FBN2: variants seen among roughly 807,000 people sequenced by gnomAD.
FBN2 encodes fibrillin-2.
FBN2 carries 105 observed loss-of-function variants against 355.6 expected under a neutral mutation model. The observed-to-expected ratio is 0.30, with a 90% confidence interval of 0.25 to 0.35. FBN2 has a LOEUF of 0.35. FBN2 is among the 10% of genes least tolerant of loss of function. The pLI is 1.00. For synonymous variants in FBN2, 1,350 were observed against 1,301.2 expected (o/e 1.04, Z -0.81); for missense variants, 3,280 against 3,758.7 (o/e 0.87, Z 3.33).
intron 4 of FBN2, among the ~76,000 whole-genome samples, chr5:128,523,299 C>T (rs1003340571): frequency 2.0e-5 from 3 of 152,108 alleles, no homozygotes; most frequent in Non-Finnish European, 4.4e-5. Context: ...GCTATTGGTG[C>T]TGCCTTCTTC....
Position 128,448,982 on chromosome 5 carries a change from A to C in FBN2, c.827-2376T>G, listed in dbSNP as rs1754149608. ...AAAATTCACGAAGCATTAATAAAGA[A>C]TTTTTGGACTTTAAATGTAAAAGGA... On this transcript the variant is annotated intron_variant, in intron 6 of 64. Transcript: ENST00000262464. Among the ~76,000 whole-genome samples, 3 of 152,164 alleles carry C rather than the reference A, an allele frequency of 2.0e-5. No individual in the cohort carries two copies. The South Asian group carries it at 6.2e-4, about 32-fold the overall frequency.
intron 5 of FBN2, among the ~76,000 whole-genome samples, chr5:128,510,742 C>T (rs547853788): frequency 6.6e-6 from 1 of 152,110 alleles, no homozygotes; most frequent in Non-Finnish European, 1.5e-5. Context: ...AATCCCCAAA[C>T]GACAAGCCAT....
chr5:128,379,435 G>A (rs1752171486), intron 11 of FBN2, among the ~76,000 whole-genome samples: 1 of 151,802 alleles, frequency 6.6e-6, no homozygotes, highest in Non-Finnish European at 1.5e-5. Context: ...ATATTTTGAA[G>A]TAAAAAAACA....
At chr5:128,263,262 C>G (rs998105574) in intron 63 of FBN2, among the ~76,000 whole-genome samples, 163 bp downstream of exon 63, 3 of 152,178 alleles carry the variant, frequency 2.0e-5, no homozygotes, top group Non-Finnish European at 2.9e-5. Flanking sequence ...GAGCACAGTC[C>G]GTGTGTGCTT....
At chr5:128,277,769 T>C in intron 58 of FBN2, 111 bp downstream of exon 58, 1 of 1,212,592 alleles carries the variant, frequency 8.2e-7, no homozygotes, top group Non-Finnish European at 1.2e-6. Context: ...TTTAATAAAA[T>C]ATATATTCCA....
intron 33 of FBN2, 139 bp downstream of exon 33, chr5:128,330,434 A>G: frequency 1.2e-6 from 1 of 826,604 alleles, no homozygotes; most frequent in African/African-American, 1.7e-5. Flanking sequence ...AGAGAAAGAT[A>G]CATAGTCACC....
rs764271022 is a variant in FBN2, at chr5:128,289,255, A to G, written c.6512-3T>C. ...GCTCTCAAGACACTCATTGACATCTAAAATATAGAACTGCATGTGAATTTC... is the reference window on the plus strand; with the variant it reads ...GCTCTCAAGACACTCATTGACATCTGAAATATAGAACTGCATGTGAATTTC... On this transcript the variant is annotated splice_region_variant and splice_polypyrimidine_tract_variant and intron_variant, in intron 51 of 64. Coordinates refer to ENST00000262464, the MANE Select transcript of FBN2 (RefSeq NM_001999.4). 1.4e-5 allele frequency: 23 copies of G among 1,613,664 alleles called. No homozygotes were observed. The highest frequency in any genetic ancestry group is 1.8e-5 in the Non-Finnish European group (21 of 1,179,746).
rs1314604547 is a variant in FBN2 at position 128,258,501 on chromosome 5, G to A, written c.*954C>T. On this transcript the variant is annotated 3_prime_UTR_variant, in exon 65 of 65. Coordinates refer to ENST00000262464, the MANE Select transcript of FBN2 (RefSeq NM_001999.4). Reference sequence around the variant, plus strand: ...AATGCACCATTATTTAAGACAGCACGAAACACCACAGAATGCCAGGTGTTC... The same window carrying A: ...AATGCACCATTATTTAAGACAGCACAAAACACCACAGAATGCCAGGTGTTC... 2 of 152,554 alleles carry A rather than the reference G, an allele frequency of 1.3e-5. No homozygotes were observed. Among genetic ancestry groups the A allele is most frequent in the Admixed American group, 6.5e-5 (1 of 15,270 alleles). The allele number at this position is 152,554 out of a possible 1,614,324, so 9.5% of individuals were successfully genotyped here. A position where few individuals can be genotyped will look rare whatever the true frequency, so the allele number is the denominator to read the frequency against.
chr5:128,500,396 T>C (rs978631813), intron 5 of FBN2, among the ~76,000 whole-genome samples: 1 of 145,760 alleles, frequency 6.9e-6, no homozygotes, highest in Non-Finnish European at 1.5e-5. Flanking sequence ...CCTCAAATGA[T>C]ATAGGGAATG....
At chr5:128,399,867 G>T (rs997273386) in intron 8 of FBN2, among the ~76,000 whole-genome samples, 1 of 151,834 alleles carries the variant, frequency 6.6e-6, no homozygotes, top group African/African-American at 2.4e-5. Context: ...AGGTCGGGGG[G>T]ATCCTGAACA....
rs566038414 is a variant in FBN2, at chr5:128,258,253, T to A, written c.*1202A>T. 3 of 152,678 alleles carry A rather than the reference T, an allele frequency of 2.0e-5. No homozygotes were observed. The South Asian group carries it at 6.2e-4, about 32-fold the overall frequency. 9.5% of individuals were successfully genotyped at this position (152,678 alleles called of 1,614,324 possible). Reference sequence around the variant, plus strand: ...CTTAATAGCACATCCTGGTACAATATCTTTTTAAATGACTAAAGCAAACTA... The same window carrying A: ...CTTAATAGCACATCCTGGTACAATAACTTTTTAAATGACTAAAGCAAACTA... On this transcript the variant is annotated 3_prime_UTR_variant, in exon 65 of 65. Transcript: ENST00000262464.
intron 13 of FBN2, among the ~76,000 whole-genome samples, chr5:128,377,114 T>C (rs1407722126): frequency 6.6e-6 from 1 of 152,192 alleles, no homozygotes; most frequent in East Asian, 1.9e-4. Flanking sequence ...CCATGAGTAG[T>C]GTTACTTTGT....
intron 8 of FBN2, among the ~76,000 whole-genome samples, chr5:128,397,016 A>G (rs987957145): frequency 2.0e-5 from 3 of 152,180 alleles, no homozygotes; most frequent in African/African-American, 7.2e-5. Flanking sequence ...ATCATAAAAT[A>G]AATGAATTAC....
chr5:128,281,287 T>C (rs1765537475), intron 55 of FBN2, among the ~76,000 whole-genome samples: 1 of 152,250 alleles, frequency 6.6e-6, no homozygotes, highest in East Asian at 1.9e-4. Flanking sequence ...GTTTTATATT[T>C]ACTGTGGGAT....
Position 128,336,044 on chromosome 5 carries a change from T to C in FBN2, c.3668A>G (p.Tyr1223Cys). 4 of 1,614,004 alleles carry C rather than the reference T, an allele frequency of 2.5e-6. No homozygotes were observed. The highest frequency in any genetic ancestry group is 2.5e-6 in the Non-Finnish European group (3 of 1,179,872). The change falls in exon 28 of 65, where the codon TAT becomes TGT. Residue 1223 changes from tyrosine (Y) to cysteine (C), a missense_variant. Coordinates refer to ENST00000262464, the MANE Select transcript of FBN2 (RefSeq NM_001999.4). ...ATATCCAGGATTGCAAGAGCACTGA[T>C]AGGTTCCAATCATGTTCACACATTT... ...NGKCVNMIGT[Y>C]QCSCNPGYQA... is the part of the protein sequence containing the mutation.
At chr5:128,338,382 T>C (rs1200570681) in intron 26 of FBN2, among the ~76,000 whole-genome samples, 3 of 152,202 alleles carry the variant, frequency 2.0e-5, no homozygotes, top group Admixed American at 6.5e-5. Context: ...AAATACATAA[T>C]ATTTGCTTTA....
chr5:128,281,597 T>C (rs1464062859), intron 55 of FBN2, among the ~76,000 whole-genome samples: 2 of 152,216 alleles, frequency 1.3e-5, no homozygotes, highest in African/African-American at 4.8e-5. Context: ...TGAGGCTTAC[T>C]GGTTTCTTGG....
chr5:128,275,644 A>G (rs892690315), intron 59 of FBN2, among the ~76,000 whole-genome samples: 16 of 152,130 alleles, frequency 1.1e-4, no homozygotes, highest in African/African-American at 3.9e-4. Flanking sequence ...TAAGCAAAAA[A>G]TTTAAATTTA....
At chr5:128,293,554 C>A (rs746034997) in intron 48 of FBN2, among the ~76,000 whole-genome samples, 2 of 151,382 alleles carry the variant, frequency 1.3e-5, no homozygotes, top group Admixed American at 6.6e-5. Context: ...TCATTGCTAA[C>A]GATAGATGAA....
Sources: gnomAD v4.1 joint callset for allele counts (sites outside exome capture counted in the v4.1 genomes callset) on GRCh38, gnomAD v4.1.1 for gene constraint, MANE v1.5 for transcripts, NCBI Gene and HGNC (gene_info 2026-07-23, HGNC 2026-07-21) for gene names.